The following DOK5 variants were observed in gnomAD, a reference collection of about 807,000 sequenced individuals.
DOK5 encodes downstream of tyrosine kinase 5.
DOK5 carries 27 observed loss-of-function variants against 43.3 expected under a neutral mutation model. The ratio of observed to expected loss-of-function variants is 0.62; its 90% CI spans 0.46 to 0.86. The LOEUF is 0.86. DOK5 is among the 40% of genes least tolerant of loss of function. The pLI is 0.00. For missense variants in DOK5, 373 were observed against 392.9 expected, an observed-to-expected ratio of 0.95 and a Z score of 0.43; for synonymous variants, 146 against 140.1, an observed-to-expected ratio of 1.04 and a Z score of -0.30.
intron 1 of DOK5, among the ~76,000 whole-genome samples, chr20:54,516,649 C>A (rs926034411): frequency 1.3e-5 from 2 of 152,072 alleles, no homozygotes; most frequent in Non-Finnish European, 2.9e-5. Flanking sequence ...GACAGTTTGA[C>A]CCCAGATGTG....
At chr20:54,497,898 A>G (rs1982459936) in intron 1 of DOK5, among the ~76,000 whole-genome samples, 1 of 152,206 alleles carries the variant, frequency 6.6e-6, no homozygotes, top group Non-Finnish European at 1.5e-5. Flanking sequence ...AATGAAAACA[A>G]TATTATGACC....
At chr20:54,491,737 G>A (rs780877886) in intron 1 of DOK5, among the ~76,000 whole-genome samples, 6 of 152,158 alleles carry the variant, frequency 3.9e-5, no homozygotes, top group Non-Finnish European at 8.8e-5. Flanking sequence ...TCCCAAGTGG[G>A]TCTCCGCAGC....
intron 1 of DOK5, among the ~76,000 whole-genome samples, chr20:54,538,766 C>T (rs73911943): frequency 0.025 from 3,783 of 152,196 alleles, 149 homozygotes; most frequent in African/African-American, 0.085. Flanking sequence ...AATCTGTGTA[C>T]GAATGTTTTT....
intron 6 of DOK5, among the ~76,000 whole-genome samples, chr20:54,620,249 T>C (rs1319284526): frequency 1.3e-5 from 2 of 152,240 alleles, no homozygotes; most frequent in African/African-American, 2.4e-5. Flanking sequence ...TATTGATTGA[T>C]TGATTTTGAG....
chr20:54,627,344 C>G (rs78091422), intron 6 of DOK5, among the ~76,000 whole-genome samples: 2 of 152,142 alleles, frequency 1.3e-5, no homozygotes, highest in Non-Finnish European at 2.9e-5. Flanking sequence ...GGATTTAAGT[C>G]GCTTTTTAAA....
intron 1 of DOK5, among the ~76,000 whole-genome samples, chr20:54,542,880 C>T (rs1318274599): frequency 6.6e-6 from 1 of 152,164 alleles, no homozygotes; most frequent in Admixed American, 6.5e-5. Flanking sequence ...AAAATCACCC[C>T]AGATGCTAGG....
rs369070561 is a variant in DOK5 at position 54,555,065 on chromosome 20, C to T, written c.174+25C>T. ...GGTAAGACTCAATTGCTGTAGCTTT[C>T]CAGTAATCTATTTACAGGGAGGCAA... On this transcript the variant is annotated intron_variant, in intron 2 of 7. Coordinates refer to ENST00000262593, the MANE Select transcript of DOK5 (RefSeq NM_018431.5). 9.4e-5 allele frequency: 141 copies of T among 1,503,208 alleles called. 6 individuals are homozygous for T. The highest frequency in any genetic ancestry group is 8.1e-4 in the East Asian group (36 of 44,304). The allele number at this position is 1,503,208 out of a possible 1,614,324, so 93.1% of individuals were successfully genotyped here.
chr20:54,619,062 TATATATATATATG>T, intron 6 of DOK5, among the ~76,000 whole-genome samples: 1 of 115,120 alleles, frequency 8.7e-6, no homozygotes, highest in African/African-American at 3.9e-5. Context: ...TATATATATA[TATATATATATATG>T]AAAAATCACT....
At position 54,476,031 on chromosome 20, in the gene DOK5, C is replaced by T. The variant is rs765127484; in HGVS notation, c.66+19C>T. ...CCTCGGGGTGAGTATCGATCCTCTCCGTGTTGCTGTTCGCCGGTTCGATTG... is the reference window on the plus strand; with the variant it reads ...CCTCGGGGTGAGTATCGATCCTCTCTGTGTTGCTGTTCGCCGGTTCGATTG... On this transcript the variant is annotated intron_variant, in intron 1 of 7. Transcript: ENST00000262593. The T allele has an allele frequency of 1.2e-6, 2 of 1,612,628 alleles. No homozygotes were observed. The highest frequency in any genetic ancestry group is 1.1e-5 in the South Asian group (1 of 90,330).
intron 1 of DOK5, among the ~76,000 whole-genome samples, chr20:54,550,957 T>C (rs1984508811): frequency 2.0e-5 from 3 of 152,238 alleles, no homozygotes; most frequent in East Asian, 1.9e-4. Flanking sequence ...GCTGGTTTCA[T>C]TTTTTAAGAA....
At chr20:54,613,253 TC>T (rs1476522535) in intron 6 of DOK5, among the ~76,000 whole-genome samples, 11 of 151,234 alleles carry the variant, frequency 7.3e-5, no homozygotes, top group East Asian at 1.9e-4. Flanking sequence ...TCTCTCTCTC[TC>T]TCGCCATCTC....
chr20:54,488,230 G>A (rs1270682921), intron 1 of DOK5, among the ~76,000 whole-genome samples: 1 of 152,204 alleles, frequency 6.6e-6, no homozygotes, highest in Non-Finnish European at 1.5e-5. Context: ...CATTAATTCA[G>A]TGTGGTGTAA....
chr20:54,519,575 A>C lies in DOK5; in HGVS notation c.67-35358A>C, dbSNP rs1036908916. Among the ~76,000 whole-genome samples the C allele has an allele frequency of 2.0e-5, 3 of 152,330 alleles. No homozygotes were observed. The East Asian group carries it at 5.8e-4, about 29-fold the overall frequency. ...AATAGCAAAAATAGTTTCATCATTTAGGTCAAAGTTTCAAGTTTGAGTAAG... is the reference window on the plus strand; with the variant it reads ...AATAGCAAAAATAGTTTCATCATTTCGGTCAAAGTTTCAAGTTTGAGTAAG... On this transcript the variant is annotated intron_variant, in intron 1 of 7. Transcript: ENST00000262593.
chr20:54,505,247 T>A (rs1982761190), intron 1 of DOK5, among the ~76,000 whole-genome samples: 1 of 152,030 alleles, frequency 6.6e-6, no homozygotes, highest in African/African-American at 2.4e-5. Context: ...AAAATGCCCC[T>A]CTCTCCTGCT....
chr20:54,522,225 A>T (rs973395764), intron 1 of DOK5, among the ~76,000 whole-genome samples: 1 of 152,168 alleles, frequency 6.6e-6, no homozygotes, highest in Non-Finnish European at 1.5e-5. Flanking sequence ...AAAAAAAAGC[A>T]CATAAAGATC....
intron 1 of DOK5, among the ~76,000 whole-genome samples, chr20:54,483,598 G>A (rs1199361274): frequency 6.6e-6 from 1 of 152,168 alleles, no homozygotes; most frequent in Non-Finnish European, 1.5e-5. Flanking sequence ...AAATGAGGAA[G>A]GGCAAATTTG....
chr20:54,543,086 G>T (rs960841183), intron 1 of DOK5, among the ~76,000 whole-genome samples: 1 of 152,134 alleles, frequency 6.6e-6, no homozygotes, highest in African/African-American at 2.4e-5. Flanking sequence ...AAAATACACA[G>T]AATTTGGTGA....
chr20:54,548,555 T>A (rs940741651), intron 1 of DOK5, among the ~76,000 whole-genome samples: 8 of 152,184 alleles, frequency 5.3e-5, no homozygotes, highest in Non-Finnish European at 1.0e-4. Flanking sequence ...CTACTATTTA[T>A]AGCCAGTGAA....
chr20:54,496,426 G>T (rs547453298), intron 1 of DOK5, among the ~76,000 whole-genome samples: 11 of 152,212 alleles, frequency 7.2e-5, no homozygotes, highest in African/African-American at 2.6e-4. Context: ...AAATTTAAGG[G>T]AGAGCATATT....
Sources: allele counts gnomAD v4.1 joint callset (sites outside exome capture counted in the v4.1 genomes callset), GRCh38; gene constraint gnomAD v4.1.1; transcripts MANE v1.5; gene names NCBI Gene and HGNC (gene_info 2026-07-23, HGNC 2026-07-21).